Variants in C10orf105 observed in about 807,000 individuals in gnomAD.
The protein encoded by C10orf105 is uncharacterized protein C10orf105.
Under a neutral mutation model 0.6 loss-of-function variants are expected in C10orf105, and 2 were observed. The observed-to-expected ratio is 3.18, with a 90% CI of 1.30 to 10.01. The LOEUF (loss-of-function observed/expected upper bound fraction) is 10.01. Among genes scored for constraint, C10orf105 ranks in the 30% most tolerant of loss-of-function variants. C10orf105 has a pLI of 0.04. For missense variants in C10orf105, 209 were observed against 191.4 expected (o/e 1.09, Z -0.54); for synonymous variants, 95 against 82.4 (o/e 1.15, Z -0.83).
chr10:71,732,097 A>G, intron 1 of C10orf105: 2 of 1,614,036 alleles, frequency 1.2e-6, no homozygotes, highest in East Asian at 2.2e-5. Context: ...CTACGAGACC[A>G]AGACCAGCTA....
At chr10:71,732,099 G>C (rs2132824769) in intron 1 of C10orf105, 1 of 1,614,002 alleles carries the variant, frequency 6.2e-7, no homozygotes, top group Non-Finnish European at 8.5e-7. Context: ...ACGAGACCAA[G>C]ACCAGCTACA....
At chr10:71,729,763 T>A (rs1367954278) in intron 1 of C10orf105, among the ~76,000 whole-genome samples, 2 of 152,210 alleles carry the variant, frequency 1.3e-5, no homozygotes, top group Non-Finnish European at 2.9e-5. Context: ...TTCAAGAACT[T>A]TTGCAGGCCC....
At chr10:71,720,539 C>G (rs1326504361), upstream of C10orf105, among the ~76,000 whole-genome samples, 5 of 152,162 alleles carry the variant, frequency 3.3e-5, no homozygotes, top group Non-Finnish European at 5.9e-5. Context: ...TTGGCAGCTT[C>G]CCCACCAGGG....
intron 1 of C10orf105, among the ~76,000 whole-genome samples, chr10:71,724,914 G>A (rs1037495092): frequency 6.6e-6 from 1 of 152,236 alleles, no homozygotes; most frequent in East Asian, 1.9e-4. Context: ...AAAGATGGGG[G>A]AATGAGTGCT....
chr10:71,720,246 G>C (rs74350653), upstream of C10orf105, among the ~76,000 whole-genome samples: 537 of 152,256 alleles, frequency 3.5e-3, 3 homozygotes, highest in African/African-American at 0.012. Context: ...CCCTCAGCTT[G>C]TAGAAAAGCA....
chr10:71,726,446 C>G (rs1866815590), intron 1 of C10orf105, among the ~76,000 whole-genome samples: 1 of 152,206 alleles, frequency 6.6e-6, no homozygotes, highest in Non-Finnish European at 1.5e-5. Flanking sequence ...AGGGGCTGTG[C>G]TGGGGTGGGT....
At chr10:71,718,873 CCTGG>C (rs1198523414) in intron 1 of C10orf105, among the ~76,000 whole-genome samples, 1 of 151,690 alleles carries the variant, frequency 6.6e-6, no homozygotes, top group Non-Finnish European at 1.5e-5. Flanking sequence ...TTGAGAACAG[CCTGG>C]GCAACATAGT....
chr10:71,725,855 G>A (rs776115146), intron 1 of C10orf105, among the ~76,000 whole-genome samples: 1 of 152,146 alleles, frequency 6.6e-6, no homozygotes, highest in African/African-American at 2.4e-5. Flanking sequence ...GATCTTGGAG[G>A]TACAGATGCT....
rs199953929 is a variant in C10orf105, at chr10:71,732,272, G to A, written c.-6+5456C>T. 24 of 1,613,296 alleles carry A rather than the reference G, an allele frequency of 1.5e-5. No homozygotes were observed. Among genetic ancestry groups the A allele is most frequent in the East Asian group, 1.1e-4 (5 of 44,874 alleles). ...CTGGCACTGGGTACTGAGATTGTGC[G>A]GGTCCAGGCCTACTCCATCGACAAC... is the stretch of plus-strand genomic sequence containing the variant. On this transcript the variant is annotated intron_variant, in intron 1 of 1. Coordinates refer to the C10orf105 transcript ENST00000398786.
At chr10:71,717,689 C>G (rs1866338176) in intron 1 of C10orf105, 1 of 152,356 alleles carries the variant, frequency 6.6e-6, no homozygotes, top group African/African-American at 2.4e-5. Context: ...AGTGGAGGGG[C>G]CTCAGCCCAG....
chr10:71,734,122 G>A (rs1839481573), intron 1 of C10orf105: 7 of 817,770 alleles, frequency 8.6e-6, no homozygotes, highest in Admixed American at 2.0e-5. Flanking sequence ...CAGACAGAGT[G>A]TCCTGGGGAA....
Position 71,725,609 on chromosome 10 carries a change from G to A in C10orf105, c.-5-9267C>T, listed in dbSNP as rs1031173769. ...AGAAGGCCATTAGTTGGCGCCTGGT[G>A]TGGGCAGGGCCACCACTGATTTAGG... On this transcript the variant is annotated intron_variant, in intron 1 of 1. Coordinates refer to the C10orf105 transcript ENST00000398786. The A allele has an allele frequency of 1.3e-5, 19 of 1,433,100 alleles. No homozygotes were observed. In the Admixed American group the frequency reaches 3.7e-4, roughly 28 times the overall value. The allele number at this position is 1,433,100 out of a possible 1,614,324, so 88.8% of individuals were successfully genotyped here. A position where few individuals can be genotyped will look rare whatever the true frequency, so the allele number is the denominator to read the frequency against.
intron 1 of C10orf105, chr10:71,731,951 T>C: frequency 6.3e-7 from 1 of 1,596,958 alleles, no homozygotes; most frequent in Non-Finnish European, 8.5e-7. Context: ...CACTCAGTTC[T>C]ATCTGGGACT....
intron 1 of C10orf105, chr10:71,732,091 G>C (rs775540526): frequency 6.2e-7 from 1 of 1,614,016 alleles, no homozygotes; most frequent in Non-Finnish European, 8.5e-7. Flanking sequence ...CCTGGACTAC[G>C]AGACCAAGAC....
intron 1 of C10orf105, chr10:71,731,904 T>G (rs1589382301): frequency 1.4e-6 from 2 of 1,447,030 alleles, no homozygotes; most frequent in Non-Finnish European, 9.4e-7. Flanking sequence ...ACCCAGGGGG[T>G]ATGGGTGTGG....
Position 71,713,165 on chromosome 10 carries a change from G to C in C10orf105, c.*2771C>G, listed in dbSNP as rs746996925. On this transcript the variant is annotated 3_prime_UTR_variant, in exon 2 of 2. Transcript: ENST00000441508. ...GAAAGGAGTTGAGAAGAGAGCCAGG[G>C]CCCAGCAAGGCCCAGAACAGAGCTG... 2 of 779,166 alleles carry C rather than the reference G, an allele frequency of 2.6e-6. No homozygotes were observed. The highest frequency in any genetic ancestry group is 4.8e-6 in the Non-Finnish European group (2 of 417,758). 48.3% of individuals were successfully genotyped at this position (779,166 alleles called of 1,614,324 possible). A position where few individuals can be genotyped will look rare whatever the true frequency, so the allele number is the denominator to read the frequency against.
At chr10:71,731,888 TG>T in intron 1 of C10orf105, 1 of 1,335,688 alleles carries the variant, frequency 7.5e-7, no homozygotes, top group Non-Finnish European at 1.0e-6. Context: ...CCATGCTGGG[TG>T]GGCCACCCAG....
rs1428957134 is a variant in C10orf105, at chr10:71,713,649, G to C, written c.*2287C>G. 1 of 268,296 alleles carries C rather than the reference G, an allele frequency of 3.7e-6. No individual in the cohort carries two copies. Among genetic ancestry groups the C allele is most frequent in the Non-Finnish European group, 7.3e-6 (1 of 137,826 alleles). 16.6% of individuals were successfully genotyped at this position (268,296 alleles called of 1,614,324 possible). A position where few individuals can be genotyped will look rare whatever the true frequency, so the allele number is the denominator to read the frequency against. On this transcript the variant is annotated 3_prime_UTR_variant, in exon 2 of 2. Transcript: ENST00000441508. The stretch of plus-strand genomic sequence containing the variant: ...GTGTGGTGGCTAGCTCCAGAAGGAG[G>C]AAGTAGAGGGTTCTCTCGATCAGGG...
At chr10:71,730,586 G>A (rs1839342402) in intron 1 of C10orf105, 1 of 1,613,904 alleles carries the variant, frequency 6.2e-7, no homozygotes, top group Non-Finnish European at 8.5e-7. Flanking sequence ...CGTGGTCCAA[G>A]CCACAGACCG....
Sources: allele counts gnomAD v4.1 joint callset (sites outside exome capture counted in the v4.1 genomes callset), GRCh38; gene constraint gnomAD v4.1.1; transcripts MANE v1.5; gene names NCBI Gene and HGNC (gene_info 2026-07-23, HGNC 2026-07-21).